The following GALNTL6 variants were observed in gnomAD, a reference collection of about 807,000 sequenced individuals.
The protein encoded by GALNTL6 is polypeptide N-acetylgalactosaminyltransferase like 6.
GALNTL6 carries 46 observed loss-of-function variants against 73.7 expected under a neutral mutation model. The ratio of observed to expected loss-of-function variants is 0.62; its 90% CI spans 0.49 to 0.80. The LOEUF is 0.80. Ranked by LOEUF, GALNTL6 falls within the 30% of genes least tolerant of loss-of-function variation. GALNTL6 has a pLI of 0.00. For synonymous variants in GALNTL6, 259 were observed against 263.7 expected (o/e 0.98, Z 0.17); for missense variants, 604 against 755.0 (o/e 0.80, Z 2.34).
At chr4:172,344,207 T>A (rs1324585943) in intron 4 of GALNTL6, among the ~76,000 whole-genome samples, 1 of 152,206 alleles carries the variant, frequency 6.6e-6, no homozygotes, top group Non-Finnish European at 1.5e-5. Flanking sequence ...ATTTGTAAAC[T>A]TTTATTCTCA....
At chr4:172,247,930 C>T (rs1737718380) in intron 3 of GALNTL6, among the ~76,000 whole-genome samples, 1 of 151,900 alleles carries the variant, frequency 6.6e-6, no homozygotes. Context: ...CAAGTTCATA[C>T]ATGACTGTGT....
chr4:172,917,990 G>T (rs1036108965), intron 8 of GALNTL6, among the ~76,000 whole-genome samples: 7 of 152,150 alleles, frequency 4.6e-5, no homozygotes, highest in Admixed American at 1.3e-4. Context: ...CAAAGACTTG[G>T]AACCAACCCA....
intron 4 of GALNTL6, among the ~76,000 whole-genome samples, chr4:172,338,733 C>A (rs575419373): frequency 3.9e-5 from 6 of 152,272 alleles, no homozygotes; most frequent in African/African-American, 1.4e-4. Context: ...GCTCCTTGCT[C>A]AGCTGTAGGG....
chr4:171,897,558 C>T (rs1413130499), intron 2 of GALNTL6, among the ~76,000 whole-genome samples: 1 of 152,114 alleles, frequency 6.6e-6, no homozygotes, highest in African/African-American at 2.4e-5. Flanking sequence ...CGCTGTGGCT[C>T]GCGCCTGCAA....
chr4:171,850,010 G>A (rs540976588), intron 2 of GALNTL6, among the ~76,000 whole-genome samples: 1 of 152,336 alleles, frequency 6.6e-6, no homozygotes, highest in South Asian at 2.1e-4. Context: ...GCCATGCCCA[G>A]GCTGGAGTGC....
rs1018688028 is a variant in GALNTL6, at chr4:172,952,519, G to T, written c.1371+261G>T. ...TTTTTGTTTGTTTGTTTTTGTTTTT[G>T]TTTTTGTTTTTTTTGAGATGGAGTC... is the stretch of plus-strand genomic sequence containing the variant. On this transcript the variant is annotated intron_variant, in intron 10 of 12. Coordinates refer to ENST00000506823, the MANE Select transcript of GALNTL6 (RefSeq NM_001034845.3). Among the ~76,000 whole-genome samples the T allele has an allele frequency of 4.0e-4, 59 of 147,460 alleles. No homozygotes were observed. The East Asian group carries it at 6.7e-3, about 17-fold the overall frequency.
chr4:172,803,463 A>G (rs2110967895), intron 5 of GALNTL6, among the ~76,000 whole-genome samples: 1 of 152,322 alleles, frequency 6.6e-6, no homozygotes, highest in Non-Finnish European at 1.5e-5. Flanking sequence ...GCCCCCATGG[A>G]AAAATTGTCT....
chr4:172,302,113 TCA>T (rs554128731), intron 3 of GALNTL6, among the ~76,000 whole-genome samples: 171 of 152,294 alleles, frequency 1.1e-3, no homozygotes, highest in African/African-American at 3.9e-3. Context: ...CAGTTTGATC[TCA>T]GACTGCTGTG....
At chr4:173,020,659 G>A (rs113140822) in intron 11 of GALNTL6, among the ~76,000 whole-genome samples, 41 of 152,306 alleles carry the variant, frequency 2.7e-4, no homozygotes, top group Admixed American at 5.2e-4. Context: ...TTTTCAAGGT[G>A]CTAGCATCAA....
At chr4:172,616,155 C>G (rs1412684202) in intron 5 of GALNTL6, among the ~76,000 whole-genome samples, 1 of 152,004 alleles carries the variant, frequency 6.6e-6, no homozygotes, top group South Asian at 2.1e-4. Flanking sequence ...GGCAAAGCCC[C>G]CATAAGAGAG....
At chr4:172,662,393 A>T (rs1263741344) in intron 5 of GALNTL6, among the ~76,000 whole-genome samples, 1 of 152,196 alleles carries the variant, frequency 6.6e-6, no homozygotes, top group East Asian at 1.9e-4. Flanking sequence ...TGGCTAGGTG[A>T]ATATGATCAG....
chr4:172,256,520 A>G (rs1053491442), intron 3 of GALNTL6, among the ~76,000 whole-genome samples: 8 of 151,366 alleles, frequency 5.3e-5, no homozygotes, highest in Non-Finnish European at 1.2e-4. Flanking sequence ...ACCTTACAAA[A>G]TCTGACCTTG....
intron 3 of GALNTL6, among the ~76,000 whole-genome samples, chr4:172,275,280 G>A (rs183400628): frequency 8.5e-5 from 13 of 152,214 alleles, no homozygotes; most frequent in Admixed American, 2.0e-4. Context: ...TCATTTCTTC[G>A]TTATTTACTG....
chr4:172,218,465 C>T (rs28405836), intron 2 of GALNTL6, among the ~76,000 whole-genome samples: 2,186 of 152,198 alleles, frequency 0.014, 57 homozygotes, highest in African/African-American at 0.05. Context: ...TTCTGACTCT[C>T]AGCTTCCATC....
chr4:172,632,320 A>ATTCC (rs1229352139), intron 5 of GALNTL6, among the ~76,000 whole-genome samples: 1 of 152,204 alleles, frequency 6.6e-6, no homozygotes, highest in East Asian at 1.9e-4. Context: ...CATGTGGGAA[A>ATTCC]GTTTGGAACG....
intron 5 of GALNTL6, among the ~76,000 whole-genome samples, chr4:172,484,893 A>G (rs1733616509): frequency 6.6e-6 from 1 of 152,164 alleles, no homozygotes; most frequent in Non-Finnish European, 1.5e-5. Flanking sequence ...AATTTGTGTC[A>G]TATGAAAACA....
intron 3 of GALNTL6, among the ~76,000 whole-genome samples, chr4:172,260,377 G>C (rs1287921992): frequency 6.6e-6 from 1 of 151,420 alleles, no homozygotes; most frequent in African/African-American, 2.4e-5. Context: ...TTATAAAAGG[G>C]ATTGAGTTCT....
chr4:172,952,329 G>C, intron 10 of GALNTL6, 71 bp downstream of exon 10: 1 of 1,062,114 alleles, frequency 9.4e-7, no homozygotes, highest in Non-Finnish European at 1.4e-6. Context: ...CTCAGGTGGT[G>C]GGAGGGACTG....
chr4:172,537,468 A>G (rs925739147), intron 5 of GALNTL6, among the ~76,000 whole-genome samples: 7 of 152,196 alleles, frequency 4.6e-5, no homozygotes, highest in Non-Finnish European at 8.8e-5. Flanking sequence ...CCACCAGGTA[A>G]CATGTGCCTT....
Sources: allele counts gnomAD v4.1 joint callset (sites outside exome capture counted in the v4.1 genomes callset), GRCh38; gene constraint gnomAD v4.1.1; transcripts MANE v1.5; gene names NCBI Gene and HGNC (gene_info 2026-07-23, HGNC 2026-07-21).